COL25A1: variants seen among roughly 807,000 people sequenced by gnomAD.
The protein encoded by COL25A1 is collagen alpha-1(XXV) chain.
In COL25A1, 103 loss-of-function variants were observed where a neutral mutation model predicts 128.4. The ratio of observed to expected loss-of-function variants is 0.80; its 90% CI spans 0.68 to 0.94. COL25A1 has a LOEUF of 0.94. COL25A1 is among the 40% of genes least tolerant of loss of function. The probability of loss-of-function intolerance (pLI) is 0.00; values close to 1 mark genes in which losing one functional copy is unlikely to be tolerated. For missense variants in COL25A1, 745 were observed against 840.0 expected (o/e 0.89, Z 1.40); for synonymous variants, 279 against 277.2 (o/e 1.01, Z -0.06).
At chr4:109,060,687 C>CAA (rs112449642) in intron 3 of COL25A1, among the ~76,000 whole-genome samples, 320 of 124,394 alleles carry the variant, frequency 2.6e-3, no homozygotes, top group African/African-American at 8.0e-3. Flanking sequence ...ACTCAATTTT[C>CAA]AAAAAAAAAA....
At chr4:109,038,919 G>C (rs552193317) in intron 5 of COL25A1, among the ~76,000 whole-genome samples, 1 of 152,160 alleles carries the variant, frequency 6.6e-6, no homozygotes, top group South Asian at 2.1e-4. Flanking sequence ...GAAGCCCTCA[G>C]CATCAACCCC....
chr4:109,004,037 C>A (rs1435644207), intron 6 of COL25A1, among the ~76,000 whole-genome samples: 1 of 152,064 alleles, frequency 6.6e-6, no homozygotes, highest in African/African-American at 2.4e-5. Flanking sequence ...CCATCTTAAC[C>A]ACAGCTGTGA....
chr4:108,914,000 C>T (rs112539333), intron 13 of COL25A1, among the ~76,000 whole-genome samples: 29 of 152,216 alleles, frequency 1.9e-4, no homozygotes, highest in African/African-American at 6.7e-4. Flanking sequence ...TATGTTTAAA[C>T]CAACAAGATC....
intron 6 of COL25A1, among the ~76,000 whole-genome samples, chr4:109,000,137 A>C (rs1013338875): frequency 5.3e-5 from 8 of 152,320 alleles, no homozygotes; most frequent in Non-Finnish European, 2.9e-5. Context: ...GCTCTGCAAA[A>C]AAAAGAGAGA....
chr4:109,238,529 C>G (rs915765940), intron 3 of COL25A1, among the ~76,000 whole-genome samples: 3 of 151,970 alleles, frequency 2.0e-5, no homozygotes, highest in Non-Finnish European at 4.4e-5. Flanking sequence ...ATGAACTTTC[C>G]TTTTGTCCTT....
At chr4:108,950,880 T>G (rs1749340843) in intron 8 of COL25A1, among the ~76,000 whole-genome samples, 1 of 152,120 alleles carries the variant, frequency 6.6e-6, no homozygotes, top group Non-Finnish European at 1.5e-5. Flanking sequence ...ACATGGAAAA[T>G]GTGTTAAATT....
intron 3 of COL25A1, among the ~76,000 whole-genome samples, chr4:109,116,975 T>A: frequency 6.7e-6 from 1 of 149,292 alleles, no homozygotes; most frequent in African/African-American, 2.5e-5. Flanking sequence ...AAGAGAAAAA[T>A]GACAGAAAAG....
chr4:109,065,545 CGTGTGTGT>C lies in COL25A1; in HGVS notation c.368-15374_368-15367del, dbSNP rs70949065. The stretch of plus-strand genomic sequence containing the variant: ...TTTTGGTGCAGCACGCGCGCGCGCG[CGTGTGTGT>C]GTGTGTGTGTGTGTGTGTGTGTGTG... On this transcript the variant is annotated intron_variant, in intron 3 of 37. Transcript: ENST00000399132. Among the ~76,000 whole-genome samples, 407 of 141,186 alleles carry C rather than the reference CGTGTGTGT, an allele frequency of 2.9e-3. 2 individuals are homozygous for C. Among genetic ancestry groups the C allele is most frequent in the South Asian group, 7.2e-3 (31 of 4,324 alleles). 92.6% of individuals were successfully genotyped at this position (141,186 alleles called of 152,430 possible).
intron 3 of COL25A1, among the ~76,000 whole-genome samples, chr4:109,157,878 T>C (rs1273715148): frequency 6.6e-6 from 1 of 152,206 alleles, no homozygotes; most frequent in Non-Finnish European, 1.5e-5. Context: ...GAGCACAGCA[T>C]GGGGCACTGT....
At chr4:109,269,262 G>T (rs9760842) in intron 3 of COL25A1, among the ~76,000 whole-genome samples, 9 of 149,946 alleles carry the variant, frequency 6.0e-5, no homozygotes, top group Non-Finnish European at 1.0e-4. Flanking sequence ...GGACATGAAC[G>T]CATTATTTTT....
At chr4:108,987,620 C>T (rs776115652) in intron 6 of COL25A1, among the ~76,000 whole-genome samples, 1 of 152,126 alleles carries the variant, frequency 6.6e-6, no homozygotes, top group Non-Finnish European at 1.5e-5. Flanking sequence ...GTGATCCACC[C>T]GCCTCTGCGT....
chr4:109,022,854 G>A (rs1160720505), intron 5 of COL25A1, among the ~76,000 whole-genome samples: 2 of 152,168 alleles, frequency 1.3e-5, no homozygotes, highest in Non-Finnish European at 2.9e-5. Flanking sequence ...CTGCTTTGGG[G>A]TGTTACAGGA....
intron 3 of COL25A1, among the ~76,000 whole-genome samples, chr4:109,195,695 G>C (rs186693096): frequency 3.9e-5 from 6 of 152,180 alleles, no homozygotes; most frequent in Admixed American, 6.5e-5. Context: ...ATATTGAACA[G>C]ATCATGACAT....
At chr4:109,050,010 C>A in intron 4 of COL25A1, 125 bp downstream of exon 4, 2 of 631,366 alleles carry the variant, frequency 3.2e-6, no homozygotes, top group South Asian at 3.0e-5. Flanking sequence ...CTAGGTCTAG[C>A]AGAGAAAGAT....
chr4:109,301,947 G>A lies in COL25A1; in HGVS notation c.73C>T (p.Gln25Ter). 1 of 1,613,292 alleles carries A rather than the reference G, an allele frequency of 6.2e-7. No homozygotes were observed. The highest frequency in any genetic ancestry group is 8.5e-7 in the Non-Finnish European group (1 of 1,179,854). Reference sequence around the variant, plus strand: ...GGGGGCATGGTCCGGGCACAATGCTGTTCGGCAGGGGTCGGGTCCTCGGAT... The same window carrying A: ...GGGGGCATGGTCCGGGCACAATGCTATTCGGCAGGGGTCGGGTCCTCGGAT... ...PRSEDPTPAE[Q>*]HCARTMPPCA... The change falls in exon 2 of 38, where the codon CAG becomes TAG. Residue 25 changes from glutamine (Q) to a stop codon, truncating the protein, a stop_gained. Transcript: ENST00000399132. LOFTEE classifies it high-confidence loss of function.
intron 3 of COL25A1, among the ~76,000 whole-genome samples, chr4:109,138,446 T>C (rs958280896): frequency 6.6e-6 from 1 of 152,224 alleles, no homozygotes; most frequent in Non-Finnish European, 1.5e-5. Context: ...GCAATAAACA[T>C]ACATGTGCAT....
At chr4:109,297,862 C>CTTTTTTTTTTT (rs35099153) in intron 3 of COL25A1, among the ~76,000 whole-genome samples, 7 of 63,854 alleles carry the variant, frequency 1.1e-4, no homozygotes, top group Non-Finnish European at 1.5e-4. Context: ...TTTTCCTTTT[C>CTTTTTTTTTTT]TTTTTTTTTT....
At chr4:108,920,688 G>T in intron 11 of COL25A1, 84 bp from the exon 12 acceptor site, 1 of 948,696 alleles carries the variant, frequency 1.1e-6, no homozygotes, top group African/African-American at 1.7e-5. Flanking sequence ...TATTCTCTAA[G>T]ATTCTCTTTG....
intron 7 of COL25A1, 46 bp downstream of exon 7, chr4:108,974,487 C>A: frequency 6.2e-7 from 1 of 1,608,356 alleles, no homozygotes; most frequent in Non-Finnish European, 8.5e-7. Flanking sequence ...TAGGTCACGC[C>A]AATATGGATC....
Sources: allele counts gnomAD v4.1 joint callset (sites outside exome capture counted in the v4.1 genomes callset), GRCh38; gene constraint gnomAD v4.1.1; transcripts MANE v1.5; gene names NCBI Gene and HGNC (gene_info 2026-07-23, HGNC 2026-07-21).